Variants in LYPLAL1 observed in about 807,000 individuals in gnomAD.
LYPLAL1 encodes the protein lysophospholipase-like protein 1.
Under a neutral mutation model 19.7 loss-of-function variants are expected in LYPLAL1, and 23 were observed. The observed-to-expected ratio is 1.17, with a 90% CI of 0.84 to 1.65. The LOEUF is 1.65. Ranked by LOEUF, LYPLAL1 falls within the 40% of genes most tolerant of loss-of-function variation. The pLI is 0.00. For synonymous variants in LYPLAL1, 119 were observed against 96.3 expected, an observed-to-expected ratio of 1.24 and a Z score of -1.38; for missense variants, 355 against 279.4, an observed-to-expected ratio of 1.27 and a Z score of -1.93.
At chr1:219,264,858 C>T in the LYPLAL1 span, among the ~76,000 whole-genome samples, 2 of 152,136 alleles carry the variant, frequency 1.3e-5, no homozygotes. Context: ...GAAAATAAGT[C>T]CCTGATGTAA....
chr1:219,403,378 C>G, the LYPLAL1 span, among the ~76,000 whole-genome samples: 1 of 152,124 alleles, frequency 6.6e-6, no homozygotes, highest in Non-Finnish European at 1.5e-5. Context: ...TTCAGAAAAC[C>G]CTGGGGGGCT....
At chr1:219,331,899 C>T in the LYPLAL1 span, among the ~76,000 whole-genome samples, 1 of 152,114 alleles carries the variant, frequency 6.6e-6, no homozygotes, top group Non-Finnish European at 1.5e-5. Flanking sequence ...AGTCTCACCG[C>T]TTCTGGGGCA....
At chr1:219,174,102 C>A in intron 1 of LYPLAL1, 121 bp downstream of exon 1, 1 of 1,492,604 alleles carries the variant, frequency 6.7e-7, no homozygotes, top group Non-Finnish European at 8.9e-7. Context: ...GGGTGGCTCC[C>A]CCGTCGCCAG....
the LYPLAL1 span, among the ~76,000 whole-genome samples, chr1:219,228,459 A>ATATATATATAT: frequency 6.6e-6 from 1 of 152,012 alleles, no homozygotes; most frequent in Non-Finnish European, 1.5e-5. Context: ...TCCAATATAG[A>ATATATATATAT]AAACGTTCCC....
chr1:219,355,379 A>C, the LYPLAL1 span, among the ~76,000 whole-genome samples: 1 of 152,252 alleles, frequency 6.6e-6, no homozygotes, highest in Non-Finnish European at 1.5e-5. Context: ...CCCAAAAGAG[A>C]GAAAAATAAA....
chr1:219,184,265 C>G (rs1423630155), intron 2 of LYPLAL1, among the ~76,000 whole-genome samples: 1 of 151,872 alleles, frequency 6.6e-6, no homozygotes, highest in Non-Finnish European at 1.5e-5. Context: ...AATTTATCTA[C>G]AAGTATTCTG....
chr1:219,194,021 G>A (rs1327271509), intron 3 of LYPLAL1, among the ~76,000 whole-genome samples: 1 of 151,840 alleles, frequency 6.6e-6, no homozygotes, highest in African/African-American at 2.4e-5. Flanking sequence ...TGGGATTTGG[G>A]TAAACTAATA....
At chr1:219,354,119 A>G in the LYPLAL1 span, among the ~76,000 whole-genome samples, 1 of 152,214 alleles carries the variant, frequency 6.6e-6, no homozygotes, top group Non-Finnish European at 1.5e-5. Context: ...GAACCAATGG[A>G]TAATATCAAG....
chr1:219,403,392 C>G, the LYPLAL1 span, among the ~76,000 whole-genome samples: 1 of 152,094 alleles, frequency 6.6e-6, no homozygotes, highest in African/African-American at 2.4e-5. Context: ...GGGGGCTGAC[C>G]AAAGAAGGTA....
chr1:219,211,001 A>T (rs1658991807), intron 4 of LYPLAL1, among the ~76,000 whole-genome samples: 1 of 152,158 alleles, frequency 6.6e-6, no homozygotes, highest in Non-Finnish European at 1.5e-5. Flanking sequence ...AACAAAAATC[A>T]ATTACATAGC....
At chr1:219,207,046 T>A (rs934070204) in intron 3 of LYPLAL1, among the ~76,000 whole-genome samples, 1 of 152,022 alleles carries the variant, frequency 6.6e-6, no homozygotes, top group Non-Finnish European at 1.5e-5. Context: ...TAGCTACATG[T>A]TGCTCTTTAG....
the LYPLAL1 span, among the ~76,000 whole-genome samples, chr1:219,293,282 TGA>T: frequency 6.6e-6 from 1 of 151,824 alleles, no homozygotes; most frequent in African/African-American, 2.4e-5. Context: ...ATAAAAAGGG[TGA>T]GAGAGATAGT....
At chr1:219,240,231 A>G in the LYPLAL1 span, among the ~76,000 whole-genome samples, 1 of 152,194 alleles carries the variant, frequency 6.6e-6, no homozygotes, top group Non-Finnish European at 1.5e-5. Context: ...TTAGTGAAGT[A>G]TGTCATGGAA....
the LYPLAL1 span, among the ~76,000 whole-genome samples, chr1:219,347,518 G>A: frequency 6.6e-6 from 1 of 152,034 alleles, no homozygotes; most frequent in African/African-American, 2.4e-5. Flanking sequence ...GACTGTCCAG[G>A]CTTTGTTACT....
chr1:219,316,503 G>C, the LYPLAL1 span, among the ~76,000 whole-genome samples: 1 of 152,114 alleles, frequency 6.6e-6, no homozygotes, highest in South Asian at 2.1e-4. Context: ...GAAAAAGTTT[G>C]AGAAGGATTT....
chr1:219,376,981 T>G, the LYPLAL1 span, among the ~76,000 whole-genome samples: 1 of 152,190 alleles, frequency 6.6e-6, no homozygotes, highest in Non-Finnish European at 1.5e-5. Flanking sequence ...CACTTCTGGG[T>G]ATATACCCCA....
At chr1:219,216,116 C>T (rs1209057816), downstream of LYPLAL1, among the ~76,000 whole-genome samples, 2 of 151,960 alleles carry the variant, frequency 1.3e-5, no homozygotes, top group African/African-American at 4.8e-5. Context: ...TACTGTTCAT[C>T]TCTAGTTTTT....
the LYPLAL1 span, among the ~76,000 whole-genome samples, chr1:219,262,252 C>T: frequency 6.6e-6 from 1 of 151,904 alleles, no homozygotes; most frequent in Non-Finnish European, 1.5e-5. Flanking sequence ...TCATCTATAT[C>T]CTGTATTATT....
At chr1:219,190,190 G>C (rs553790975) in intron 2 of LYPLAL1, among the ~76,000 whole-genome samples, 12 of 151,550 alleles carry the variant, frequency 7.9e-5, no homozygotes, top group African/African-American at 2.9e-4. Context: ...TATAGAACGA[G>C]CACCATTCTA....
Sources: allele counts gnomAD v4.1 joint callset (sites outside exome capture counted in the v4.1 genomes callset), GRCh38; gene constraint gnomAD v4.1.1; transcripts MANE v1.5; gene names NCBI Gene and HGNC (gene_info 2026-07-23, HGNC 2026-07-21).